Variants in CORIN observed in about 807,000 individuals in gnomAD.
CORIN encodes the protein atrial natriuretic peptide-converting enzyme.
CORIN carries 117 observed loss-of-function variants against 125.3 expected under a neutral mutation model. That is an observed-to-expected ratio of 0.93 (90% CI 0.80 to 1.09). The LOEUF is 1.09. Among genes scored for constraint, CORIN ranks in the 50% least tolerant of loss-of-function variants. The probability of loss-of-function intolerance (pLI) is 0.00; values close to 1 mark genes in which losing one functional copy is unlikely to be tolerated. For synonymous variants in CORIN, 450 were observed against 466.4 expected (o/e 0.96, Z 0.45); for missense variants, 1,253 against 1,306.7 (o/e 0.96, Z 0.63).
chr4:47,633,490 C>T (rs1195865672), intron 16 of CORIN, among the ~76,000 whole-genome samples: 2 of 152,080 alleles, frequency 1.3e-5, no homozygotes, highest in Non-Finnish European at 2.9e-5. Flanking sequence ...ATATAAAATT[C>T]AGTCTTATAA....
chr4:47,643,121 C>G, intron 15 of CORIN, 25 bp downstream of exon 15: 1 of 1,614,044 alleles, frequency 6.2e-7, no homozygotes, highest in African/African-American at 1.3e-5. Context: ...GAGAGTACAA[C>G]AGATGGCAGA....
chr4:47,698,349 G>C (rs950653043), intron 5 of CORIN, among the ~76,000 whole-genome samples: 1 of 151,792 alleles, frequency 6.6e-6, no homozygotes, highest in African/African-American at 2.4e-5. Context: ...GCAACAACTT[G>C]AAAGAGGTGA....
chr4:47,782,762 T>G (rs1183186566), intron 3 of CORIN, among the ~76,000 whole-genome samples: 2 of 152,206 alleles, frequency 1.3e-5, no homozygotes, highest in African/African-American at 4.8e-5. Flanking sequence ...GGATGCATTC[T>G]GAAAACATCA....
chr4:47,668,652 G>A (rs1428580429), intron 10 of CORIN, among the ~76,000 whole-genome samples: 1 of 152,046 alleles, frequency 6.6e-6, no homozygotes, highest in East Asian at 1.9e-4. Flanking sequence ...ACCCCATCAA[G>A]GTTCAACTTT....
At chr4:47,800,155 T>G (rs1389952878) in intron 2 of CORIN, among the ~76,000 whole-genome samples, 1 of 152,128 alleles carries the variant, frequency 6.6e-6, no homozygotes, top group African/African-American at 2.4e-5. Flanking sequence ...AAAAATGTCC[T>G]AAAACAGACT....
At chr4:47,626,140 G>A (rs1486691269) in intron 17 of CORIN, among the ~76,000 whole-genome samples, 14 of 152,136 alleles carry the variant, frequency 9.2e-5, no homozygotes, top group Non-Finnish European at 1.8e-4. Flanking sequence ...GATATTAAAA[G>A]TAATCCAAGA....
intron 5 of CORIN, among the ~76,000 whole-genome samples, chr4:47,710,657 T>C (rs1726799129): frequency 6.6e-6 from 1 of 152,252 alleles, no homozygotes; most frequent in Non-Finnish European, 1.5e-5. Flanking sequence ...GCTTCTGCTG[T>C]TGCCAATCTG....
At chr4:47,640,747 C>T (rs980696007) in intron 16 of CORIN, among the ~76,000 whole-genome samples, 3 of 152,106 alleles carry the variant, frequency 2.0e-5, no homozygotes, top group Non-Finnish European at 2.9e-5. Context: ...AATAGAACAG[C>T]TATGTTCAGG....
chr4:47,678,701 C>T (rs1038818743), intron 8 of CORIN, among the ~76,000 whole-genome samples: 12 of 152,222 alleles, frequency 7.9e-5, no homozygotes, highest in Non-Finnish European at 4.4e-5. Context: ...TATCGGTTCT[C>T]TAAATTCTAT....
intron 6 of CORIN, among the ~76,000 whole-genome samples, chr4:47,690,213 T>G (rs1725706161): frequency 6.6e-6 from 1 of 152,184 alleles, no homozygotes; most frequent in Admixed American, 6.5e-5. Flanking sequence ...TCACTAAATC[T>G]GAACTTTTTT....
intron 7 of CORIN, chr4:47,682,508 T>C (rs1409458183): frequency 1.4e-5 from 2 of 147,990 alleles, no homozygotes; most frequent in Non-Finnish European, 3.0e-5. Flanking sequence ...AAATTACAGC[T>C]AGATAGGAGG....
At chr4:47,777,304 T>G (rs1730343164) in intron 3 of CORIN, among the ~76,000 whole-genome samples, 1 of 152,178 alleles carries the variant, frequency 6.6e-6, no homozygotes, top group African/African-American at 2.4e-5. Context: ...CAGCTTAATA[T>G]AATTACAAAC....
Position 47,645,061 on chromosome 4 carries a change from A to G in CORIN, c.1957+20T>C. 7.0e-7 allele frequency: 1 copy of G among 1,428,854 alleles called. No homozygotes were observed. Among genetic ancestry groups the G allele is most frequent in the Non-Finnish European group, 9.8e-7 (1 of 1,021,402 alleles). 88.5% of individuals were successfully genotyped at this position (1,428,854 alleles called of 1,614,324 possible). A position where few individuals can be genotyped will look rare whatever the true frequency, so the allele number is the denominator to read the frequency against. On this transcript the variant is annotated intron_variant, in intron 14 of 21. Transcript: ENST00000273857. ...TTTAAAATAAAAATGCTCTGTTGAC[A>G]AATTCGCATAAGCACTTACAGCAGT...
In CORIN at chr4:47,704,049, GT is replaced by G. The variant is rs763589705; in HGVS notation, c.800-10967del. 1.2e-3 allele frequency among the ~76,000 whole-genome samples: 187 copies of G among 152,256 alleles called. No individual in the cohort carries two copies. In the Middle Eastern group the frequency reaches 0.02, roughly 17 times the overall value. Reference sequence around the variant, plus strand: ...TTCACTGTTTAATCGTTTGTGTCCTGTTAAATGATTTACACGCTGGTGGAAC... The same window carrying G: ...TTCACTGTTTAATCGTTTGTGTCCTGTAAATGATTTACACGCTGGTGGAAC... On this transcript the variant is annotated intron_variant, in intron 5 of 21. Coordinates refer to ENST00000273857, the MANE Select transcript of CORIN (RefSeq NM_006587.4).
intron 2 of CORIN, among the ~76,000 whole-genome samples, chr4:47,805,312 C>G (rs1483148444): frequency 6.6e-6 from 1 of 151,614 alleles, no homozygotes; most frequent in Non-Finnish European, 1.5e-5. Flanking sequence ...ATGTAACATA[C>G]CTCATAAATA....
At chr4:47,799,092 A>G (rs1288507790) in intron 2 of CORIN, among the ~76,000 whole-genome samples, 1 of 150,432 alleles carries the variant, frequency 6.6e-6, no homozygotes, top group African/African-American at 2.5e-5. Context: ...TTATGGCTGC[A>G]TAGTATCCCA....
At chr4:47,596,309 A>C (rs775061867) in intron 21 of CORIN, among the ~76,000 whole-genome samples, 8 of 152,028 alleles carry the variant, frequency 5.3e-5, no homozygotes, top group African/African-American at 9.7e-5. Flanking sequence ...GATCCCCCCC[A>C]CACACAGTAC....
rs138416113 is a variant in CORIN at position 47,660,424 on chromosome 4, C to T, written c.1735+1287G>A. ...TGGGAGAAAATATTTGCAAAATATC[C>T]ATATGATAAGGGATTAATAACCAGA... On this transcript the variant is annotated intron_variant, in intron 12 of 21. Transcript: ENST00000273857. Among the ~76,000 whole-genome samples, 16 of 152,206 alleles carry T rather than the reference C, an allele frequency of 1.1e-4. No homozygotes were observed. In the East Asian group the frequency reaches 3.1e-3, roughly 29 times the overall value.
intron 20 of CORIN, among the ~76,000 whole-genome samples, 188 bp downstream of exon 20, chr4:47,603,208 GT>G (rs1220399995): frequency 6.6e-6 from 1 of 152,080 alleles, no homozygotes; most frequent in Non-Finnish European, 1.5e-5. Flanking sequence ...CTTTTGCTCA[GT>G]ACTTCTCCTT....
Sources: gnomAD v4.1 joint callset for allele counts (sites outside exome capture counted in the v4.1 genomes callset) on GRCh38, gnomAD v4.1.1 for gene constraint, MANE v1.5 for transcripts, NCBI Gene and HGNC (gene_info 2026-07-23, HGNC 2026-07-21) for gene names.